The following FCHSD2 variants were observed in gnomAD, a reference collection of about 807,000 sequenced individuals.
FCHSD2 encodes the protein F-BAR and double SH3 domains protein 2.
Under a neutral mutation model 108.1 loss-of-function variants are expected in FCHSD2, and 38 were observed. That is an observed-to-expected ratio of 0.35 (90% CI 0.27 to 0.46). FCHSD2 has a LOEUF of 0.46. Among genes scored for constraint, FCHSD2 ranks in the 20% least tolerant of loss-of-function variants. FCHSD2 has a pLI of 1.00. For missense variants in FCHSD2, 751 were observed against 897.8 expected, an observed-to-expected ratio of 0.84 and a Z score of 2.09; for synonymous variants, 279 against 314.7, an observed-to-expected ratio of 0.89 and a Z score of 1.20.
intron 2 of FCHSD2, among the ~76,000 whole-genome samples, chr11:73,097,124 TCCCAA>T: frequency 6.8e-6 from 1 of 147,974 alleles, no homozygotes. Context: ...CACCTCAGCC[TCCCAA>T]ATAGCTAGAA....
At chr11:72,860,072 G>C (rs946138092) in intron 13 of FCHSD2, among the ~76,000 whole-genome samples, 1 of 152,262 alleles carries the variant, frequency 6.6e-6, no homozygotes, top group East Asian at 1.9e-4. Flanking sequence ...GTCCAACCTA[G>C]ATCCCTTACA....
At chr11:72,948,800 G>T (rs917582688) in intron 8 of FCHSD2, among the ~76,000 whole-genome samples, 1 of 151,788 alleles carries the variant, frequency 6.6e-6, no homozygotes, top group Non-Finnish European at 1.5e-5. Context: ...CGAGTAGCTG[G>T]GACTACAGGT....
chr11:73,115,896 C>A (rs181359503), intron 2 of FCHSD2, among the ~76,000 whole-genome samples: 1 of 152,316 alleles, frequency 6.6e-6, no homozygotes, highest in East Asian at 1.9e-4. Flanking sequence ...CCACAAAATG[C>A]CTTCATGGCA....
chr11:72,907,275 G>T (rs1855649390), intron 9 of FCHSD2, among the ~76,000 whole-genome samples: 1 of 152,122 alleles, frequency 6.6e-6, no homozygotes, highest in Admixed American at 6.5e-5. Context: ...CATGTCATCT[G>T]CAAAAAGACA....
chr11:72,867,666 A>G (rs1352116963), intron 13 of FCHSD2, among the ~76,000 whole-genome samples, 199 bp downstream of exon 13: 1 of 152,136 alleles, frequency 6.6e-6, no homozygotes, highest in Admixed American at 6.5e-5. Flanking sequence ...TCATACATTA[A>G]AAAAAACACT....
intron 5 of FCHSD2, among the ~76,000 whole-genome samples, chr11:72,990,250 T>C (rs549371115): frequency 1.0e-3 from 154 of 152,304 alleles, no homozygotes; most frequent in African/African-American, 3.6e-3. Flanking sequence ...TGTGTTTCAA[T>C]AGAAACCTGA....
intron 5 of FCHSD2, among the ~76,000 whole-genome samples, chr11:72,990,870 G>A (rs528777655): frequency 3.3e-5 from 5 of 152,104 alleles, no homozygotes; most frequent in Non-Finnish European, 7.3e-5. Flanking sequence ...GAACAGAACT[G>A]AACGAAATAG....
At chr11:73,018,084 T>C (rs1411214540) in intron 3 of FCHSD2, among the ~76,000 whole-genome samples, 1 of 152,366 alleles carries the variant, frequency 6.6e-6, no homozygotes, top group South Asian at 2.1e-4. Flanking sequence ...TTTTAAATAA[T>C]AGATGCATTC....
At chr11:73,083,777 A>G (rs764066166) in intron 2 of FCHSD2, 37 bp from the exon 3 acceptor site, 1 of 1,305,580 alleles carries the variant, frequency 7.7e-7, no homozygotes, top group Non-Finnish European at 1.1e-6. Context: ...CCAGAAGGAT[A>G]ACTTAATAAT....
chr11:72,906,440 T>C (rs1855632015), intron 9 of FCHSD2, among the ~76,000 whole-genome samples: 1 of 152,228 alleles, frequency 6.6e-6, no homozygotes, highest in Admixed American at 6.5e-5. Context: ...TTAGATACTA[T>C]TTGTCTATTT....
intron 3 of FCHSD2, among the ~76,000 whole-genome samples, chr11:73,041,242 T>C (rs771349143): frequency 2.6e-5 from 4 of 152,314 alleles, no homozygotes; most frequent in Admixed American, 6.5e-5. Flanking sequence ...TGGATAAATA[T>C]CCAGTAATGA....
Position 72,845,976 on chromosome 11 carries a change from TCAAGCACTA to T in FCHSD2, c.1444-2453_1444-2445del, listed in dbSNP as rs1861122514. Among the ~76,000 whole-genome samples, 13 of 152,274 alleles carry T rather than the reference TCAAGCACTA, an allele frequency of 8.5e-5. No homozygotes were observed. In the South Asian group the frequency reaches 2.7e-3, roughly 32 times the overall value. ...CACAGCACTGATACATGGAAGGTGC[TCAAGCACTA>T]TTTGTTGAATGAATGGGGTGTTTGA... On this transcript the variant is annotated intron_variant, in intron 14 of 19. Transcript: ENST00000409418.
chr11:73,039,870 A>C (rs1858592010), intron 3 of FCHSD2, among the ~76,000 whole-genome samples: 1 of 152,224 alleles, frequency 6.6e-6, no homozygotes, highest in Non-Finnish European at 1.5e-5. Flanking sequence ...TAACGAATGC[A>C]AATCATTTTG....
intron 3 of FCHSD2, among the ~76,000 whole-genome samples, chr11:73,070,445 A>AT (rs2135498945): frequency 6.6e-6 from 1 of 152,202 alleles, no homozygotes; most frequent in South Asian, 2.1e-4. Context: ...TATTTTTGAG[A>AT]TACAGTCTCG....
chr11:72,857,548 C>G (rs886448618), intron 13 of FCHSD2, among the ~76,000 whole-genome samples: 1 of 149,574 alleles, frequency 6.7e-6, no homozygotes, highest in African/African-American at 2.5e-5. Flanking sequence ...AAGCGATTCT[C>G]CTGCCTCAGC....
rs553142636 is a variant in FCHSD2, at chr11:73,104,613, G to A, written c.120-20873C>T. Among the ~76,000 whole-genome samples the A allele has an allele frequency of 2.6e-5, 4 of 152,042 alleles. No individual in the cohort carries two copies. In the South Asian group the frequency reaches 6.2e-4, roughly 24 times the overall value. ...AGACAGACTCTCGCTCTGTCACCCA[G>A]GCTGGAGTGCAGTACCGCAATCTCA... is the stretch of plus-strand genomic sequence containing the variant. On this transcript the variant is annotated intron_variant, in intron 2 of 19. Coordinates refer to ENST00000409418, the MANE Select transcript of FCHSD2 (RefSeq NM_014824.3).
intron 8 of FCHSD2, among the ~76,000 whole-genome samples, chr11:72,964,149 T>A (rs962945804): frequency 6.6e-6 from 1 of 152,182 alleles, no homozygotes; most frequent in Non-Finnish European, 1.5e-5. Context: ...TCTCTAAAGA[T>A]TGAAATGATG....
chr11:73,027,285 T>C (rs540663119), intron 3 of FCHSD2, among the ~76,000 whole-genome samples: 8 of 152,150 alleles, frequency 5.3e-5, no homozygotes, highest in Non-Finnish European at 7.4e-5. Flanking sequence ...GAGGAACTTA[T>C]TGAGAACTAG....
At chr11:72,988,012 C>G (rs1857342232) in intron 6 of FCHSD2, among the ~76,000 whole-genome samples, 1 of 152,210 alleles carries the variant, frequency 6.6e-6, no homozygotes, top group African/African-American at 2.4e-5. Flanking sequence ...TGAATACTCA[C>G]TTACCAGCCC....
Sources: allele counts gnomAD v4.1 joint callset (sites outside exome capture counted in the v4.1 genomes callset), GRCh38; gene constraint gnomAD v4.1.1; transcripts MANE v1.5; gene names NCBI Gene and HGNC (gene_info 2026-07-23, HGNC 2026-07-21).